The following REPS2 variants were observed in gnomAD, a reference collection of about 807,000 sequenced individuals.
REPS2 encodes the protein RALBP1 associated Eps domain containing 2.
In REPS2, 23 loss-of-function variants were observed where a neutral mutation model predicts 53.6. The ratio of observed to expected loss-of-function variants is 0.43; its 90% CI spans 0.31 to 0.61. The LOEUF is 0.61. Ranked by LOEUF, REPS2 falls within the 20% of genes least tolerant of loss-of-function variation. The pLI is 0.11. For missense variants in REPS2, 446 were observed against 534.9 expected (o/e 0.83, Z 1.64); for synonymous variants, 238 against 218.6 (o/e 1.09, Z -0.78).
At chrX:17,171,956 G>T in the REPS2 span, among the ~76,000 whole-genome samples, 612 of 111,552 alleles carry the variant, frequency 5.5e-3, 2 homozygotes, top group African/African-American at 0.019. Flanking sequence ...TGGTGGTAAC[G>T]CTAACCAATG....
At chrX:16,965,053 C>A (rs1199920223) in intron 1 of REPS2, among the ~76,000 whole-genome samples, 1 of 91,660 alleles carries the variant, frequency 1.1e-5, no homozygotes, top group African/African-American at 4.2e-5. Context: ...GACCCCCCCA[C>A]CTCCCTCCCA....
chrX:17,040,880 C>A (rs1463212937), intron 5 of REPS2, among the ~76,000 whole-genome samples: 2 of 111,997 alleles, frequency 1.8e-5, no homozygotes, highest in East Asian at 5.6e-4. Context: ...GATTGCAAAA[C>A]CACAATAGCT....
chrX:17,015,405 T>A, intron 2 of REPS2, among the ~76,000 whole-genome samples: 1 of 112,267 alleles, frequency 8.9e-6, no homozygotes, highest in East Asian at 2.8e-4. Context: ...TCTTCTTTTT[T>A]AAATTTTATT....
intron 12 of REPS2, 121 bp from the exon 13 acceptor site, chrX:17,077,150 C>T: frequency 5.4e-6 from 4 of 736,334 alleles, no homozygotes; most frequent in Non-Finnish European, 7.8e-6. Context: ...TTTATGGCTG[C>T]TTTGGTAGCT....
intron 17 of REPS2, among the ~76,000 whole-genome samples, chrX:17,140,969 A>G (rs2063437539): frequency 9.1e-6 from 1 of 110,306 alleles, no homozygotes; most frequent in African/African-American, 3.3e-5. Context: ...GTGGGGTTTC[A>G]CTGTGTTAGC....
At chrX:17,074,292 G>C in intron 12 of REPS2, 133 bp downstream of exon 12, 1 of 566,732 alleles carries the variant, frequency 1.8e-6, no homozygotes, top group Non-Finnish European at 3.0e-6. Flanking sequence ...GAGCCATTTC[G>C]CTCGTGCATG....
chrX:17,091,959 AC>A (rs1441511722), intron 13 of REPS2, among the ~76,000 whole-genome samples: 5 of 112,130 alleles, frequency 4.5e-5, no homozygotes, highest in Non-Finnish European at 9.4e-5. Context: ...TATAGGTCCC[AC>A]TGGGAGGCTC....
intron 13 of REPS2, among the ~76,000 whole-genome samples, chrX:17,085,851 G>A (rs893035707): frequency 9.0e-6 from 1 of 111,362 alleles, no homozygotes; most frequent in Non-Finnish European, 1.9e-5. Flanking sequence ...AAGAGATAAG[G>A]TCTTAAAATA....
chrX:17,074,021 A>G, intron 11 of REPS2, 93 bp from the exon 12 acceptor site: 2 of 734,558 alleles, frequency 2.7e-6, no homozygotes, highest in Non-Finnish European at 2.0e-6. Context: ...TTTACCTCAC[A>G]TTTACCTGTT....
intron 14 of REPS2, among the ~76,000 whole-genome samples, chrX:17,116,945 C>G (rs1210822134): frequency 2.7e-5 from 3 of 112,251 alleles, no homozygotes; most frequent in Admixed American, 1.9e-4. Context: ...TCCTCACTTT[C>G]TGCCAGTTCA....
At chrX:17,175,164 G>A in the REPS2 span, among the ~76,000 whole-genome samples, 1 of 112,718 alleles carries the variant, frequency 8.9e-6, no homozygotes, top group African/African-American at 3.2e-5. Context: ...GTACTTGTGT[G>A]TGCCATTTTG....
chrX:17,130,021 C>T lies in REPS2; in HGVS notation c.1579-3803C>T, dbSNP rs1386137563. 3.6e-5 allele frequency among the ~76,000 whole-genome samples: 4 copies of T among 112,275 alleles called. No homozygotes were observed. The Admixed American group carries it at 3.8e-4, about 11-fold the overall frequency. Reference sequence around the variant, plus strand: ...GCCAGAACATATATTACCTTCCAAGCAATAGATTTCTAGGTAAAAGGCAAG... The same window carrying T: ...GCCAGAACATATATTACCTTCCAAGTAATAGATTTCTAGGTAAAAGGCAAG... On this transcript the variant is annotated intron_variant, in intron 14 of 17. Transcript: ENST00000357277.
chrX:17,098,379 AT>A (rs748099432), intron 13 of REPS2, among the ~76,000 whole-genome samples: 2 of 112,097 alleles, frequency 1.8e-5, no homozygotes, highest in South Asian at 3.7e-4. Context: ...ATAATAATCT[AT>A]TTTTTTCAGG....
At chrX:17,086,570 C>T (rs193029377) in intron 13 of REPS2, among the ~76,000 whole-genome samples, 3 of 112,420 alleles carry the variant, frequency 2.7e-5, no homozygotes, top group Non-Finnish European at 5.6e-5. Flanking sequence ...ACACAGTTGG[C>T]TCTCACAAGC....
the REPS2 span, among the ~76,000 whole-genome samples, chrX:17,161,364 T>C: frequency 0.16 from 17,326 of 111,320 alleles, 1,015 homozygotes; most frequent in Admixed American, 0.19. Flanking sequence ...TCACAGTAAC[T>C]CTTAAATGCA....
At chrX:16,985,845 G>A (rs770297503) in intron 1 of REPS2, among the ~76,000 whole-genome samples, 2 of 111,687 alleles carry the variant, frequency 1.8e-5, no homozygotes, top group Non-Finnish European at 3.8e-5. Flanking sequence ...TGAAAACAAG[G>A]TATAGTCATA....
At chrX:16,990,318 G>A (rs1269255597) in intron 1 of REPS2, among the ~76,000 whole-genome samples, 2 of 111,602 alleles carry the variant, frequency 1.8e-5, no homozygotes, top group African/African-American at 6.5e-5. Flanking sequence ...AGCTATAAAA[G>A]GCATGATGAG....
chrX:17,191,202 C>T, the REPS2 span, among the ~76,000 whole-genome samples: 104 of 111,909 alleles, frequency 9.3e-4, no homozygotes, highest in African/African-American at 3.1e-3. Flanking sequence ...ACTTACAAAT[C>T]ACAATTCTGA....
the REPS2 span, among the ~76,000 whole-genome samples, chrX:17,189,840 A>G: frequency 8.9e-6 from 1 of 111,957 alleles, no homozygotes; most frequent in Admixed American, 9.5e-5. Flanking sequence ...GCCACAGACA[A>G]TATTTAAGAG....
Sources: gnomAD v4.1 joint callset for allele counts (sites outside exome capture counted in the v4.1 genomes callset) on GRCh38, gnomAD v4.1.1 for gene constraint, MANE v1.5 for transcripts, NCBI Gene and HGNC (gene_info 2026-07-23, HGNC 2026-07-21) for gene names.